Variants in PCDHA9 observed in about 807,000 individuals in gnomAD.
The protein encoded by PCDHA9 is protocadherin alpha 9, also known as protocadherin alpha-9.
In PCDHA9, 62 loss-of-function variants were observed where a neutral mutation model predicts 62.0. The observed-to-expected ratio is 1.00, with a 90% CI of 0.81 to 1.23. PCDHA9 has a LOEUF of 1.23. Ranked by LOEUF, PCDHA9 falls within the 50% of genes most tolerant of loss-of-function variation. PCDHA9 has a pLI of 0.00. For missense variants in PCDHA9, 1,205 were observed against 1,249.8 expected (o/e 0.96, Z 0.54); for synonymous variants, 557 against 567.6 (o/e 0.98, Z 0.27).
intron 1 of PCDHA9, chr5:140,930,241 C>T (rs2086688232): frequency 1.3e-5 from 2 of 152,148 alleles, no homozygotes; most frequent in African/African-American, 2.4e-5. Context: ...ATCCAAAGTC[C>T]ATTCAACTTG....
intron 1 of PCDHA9, among the ~76,000 whole-genome samples, chr5:140,925,025 C>T (rs1180931899): frequency 6.6e-6 from 1 of 151,492 alleles, no homozygotes; most frequent in Non-Finnish European, 1.5e-5. Context: ...ATGGGAGGAT[C>T]GCTTGAGCCC....
chr5:140,874,469 G>C (rs2054929448), intron 1 of PCDHA9, among the ~76,000 whole-genome samples: 1 of 152,212 alleles, frequency 6.6e-6, no homozygotes, highest in Non-Finnish European at 1.5e-5. Flanking sequence ...GGAAGATTTA[G>C]AGAAAAAGCA....
chr5:140,882,036 G>C, intron 1 of PCDHA9: 1 of 646,228 alleles, frequency 1.5e-6, no homozygotes. Context: ...AAAATATGAA[G>C]ACTGAGTCAT....
intron 1 of PCDHA9, chr5:140,863,410 G>C: frequency 5.3e-6 from 4 of 753,286 alleles, no homozygotes; most frequent in African/African-American, 1.8e-5. Context: ...GCCCACGCTG[G>C]TGTACCGCAG....
chr5:140,933,853 A>AT (rs2089460601), intron 1 of PCDHA9, among the ~76,000 whole-genome samples: 2 of 151,568 alleles, frequency 1.3e-5, no homozygotes, highest in Non-Finnish European at 3.0e-5. Context: ...TGTACCTTTA[A>AT]TTTTTTCAGA....
At chr5:140,979,211 A>G (rs1241898337) in intron 2 of PCDHA9, among the ~76,000 whole-genome samples, 18 of 152,222 alleles carry the variant, frequency 1.2e-4, no homozygotes, top group Admixed American at 7.9e-4. Context: ...GTGCTGGCAT[A>G]TAAGAGTCCT....
chr5:140,927,127 G>C (rs1202029150), intron 1 of PCDHA9: 1 of 1,613,964 alleles, frequency 6.2e-7, no homozygotes, highest in Non-Finnish European at 8.5e-7. Context: ...GGTGGTCAGA[G>C]AGCCGGCGGA....
intron 1 of PCDHA9, chr5:140,863,686 T>G (rs1386583317): frequency 3.4e-6 from 1 of 295,212 alleles, no homozygotes; most frequent in Non-Finnish European, 6.6e-6. Flanking sequence ...CTTTTTCTTT[T>G]GAGATGCTTT....
chr5:140,850,287 G>A lies in PCDHA9; in HGVS notation c.1792G>A (p.Asp598Asn). The change falls in exon 1 of 4, where the codon GAC becomes AAC. Residue 598 changes from aspartate (D) to asparagine (N), a missense_variant. By Grantham distance (23) the Asp-to-Asn change is conservative (BLOSUM62 1). This residue lies in a region of PCDHA9 where 887 missense variants were observed against 809.5 expected (regional missense o/e 1.10). Transcript: ENST00000532602. The part of the protein sequence containing the change: ...GVVVGKVRAV[D>N]ADSGYNAWLS... ...AGTGGTGGGGAAGGTGCGCGCAGTG[G>A]ACGCCGACTCGGGCTACAACGCGTG... 2.5e-6 allele frequency: 4 copies of A among 1,595,954 alleles called. 1 individual carries two copies. Among genetic ancestry groups the A allele is most frequent in the Non-Finnish European group, 3.4e-6 (4 of 1,167,630 alleles).
intron 1 of PCDHA9, among the ~76,000 whole-genome samples, chr5:140,881,751 A>G (rs974973794): frequency 6.6e-6 from 1 of 152,206 alleles, no homozygotes; most frequent in Non-Finnish European, 1.5e-5. Flanking sequence ...GGACAGTACC[A>G]CAAAAACCTA....
intron 1 of PCDHA9, chr5:140,856,284 A>C (rs1164216826): frequency 5.6e-6 from 9 of 1,598,362 alleles, no homozygotes; most frequent in Non-Finnish European, 7.7e-6. Context: ...GTAAATCTGC[A>C]GAATGGCATT....
chr5:140,995,674 A>AT (rs1240189428), intron 3 of PCDHA9, among the ~76,000 whole-genome samples: 2 of 152,112 alleles, frequency 1.3e-5, no homozygotes, highest in South Asian at 2.1e-4. Context: ...TAAATGCAGC[A>AT]TTTTTTTTAA....
chr5:140,990,280 G>C (rs1224210562), intron 3 of PCDHA9, among the ~76,000 whole-genome samples: 1 of 152,264 alleles, frequency 6.6e-6, no homozygotes, highest in African/African-American at 2.4e-5. Context: ...CCCGGGTCTT[G>C]AGATTATCGA....
intron 1 of PCDHA9, chr5:140,870,282 C>T (rs886699693): frequency 6.2e-7 from 1 of 1,614,228 alleles, no homozygotes; most frequent in Non-Finnish European, 8.5e-7. Context: ...CCCACGTTCC[C>T]TTCAAGCTGG....
chr5:140,906,957 G>T (rs1301709159), intron 1 of PCDHA9, among the ~76,000 whole-genome samples: 2 of 152,144 alleles, frequency 1.3e-5, no homozygotes, highest in Admixed American at 6.5e-5. Flanking sequence ...CCAGTTTAAT[G>T]GAATCGTGGT....
chr5:140,928,893 T>C (rs1554206469), intron 1 of PCDHA9: 1 of 1,614,052 alleles, frequency 6.2e-7, no homozygotes, highest in African/African-American at 1.3e-5. Flanking sequence ...TTCCAGACTT[T>C]GAAGATGTCT....
chr5:140,869,010 T>C (rs919333995), intron 1 of PCDHA9: 3 of 1,523,768 alleles, frequency 2.0e-6, no homozygotes, highest in African/African-American at 2.8e-5. Flanking sequence ...CCTTTGAAAC[T>C]TCTTAAGAAT....
At chr5:141,006,276 A>T (rs2098265134) in intron 3 of PCDHA9, among the ~76,000 whole-genome samples, 1 of 151,894 alleles carries the variant, frequency 6.6e-6, no homozygotes, top group Admixed American at 6.6e-5. Context: ...CAGTGGCACG[A>T]TCTCAGCTCA....
At position 140,868,819 on chromosome 5, in the gene PCDHA9, G is replaced by A. The variant is rs2050665181; in HGVS notation, c.2394+17930G>A. The A allele has an allele frequency of 7.5e-5, 29 of 388,032 alleles. No individual in the cohort carries two copies. In the East Asian group the frequency reaches 1.2e-3, roughly 16 times the overall value. The allele number at this position is 388,032 out of a possible 1,614,324, so 24.0% of individuals were successfully genotyped here. On this transcript the variant is annotated intron_variant, in intron 1 of 3. Transcript: ENST00000532602. ...ATAAATAAGCACGTTGGAAATATTT[G>A]GGGGAAGAAACCCAAAACACGTGAA...
Sources: gnomAD v4.1 joint callset for allele counts (sites outside exome capture counted in the v4.1 genomes callset) on GRCh38, gnomAD v4.1.1 for gene constraint, gnomAD v4.1.1 regional missense constraint, MANE v1.5 for transcripts, NCBI Gene and HGNC (gene_info 2026-07-23, HGNC 2026-07-21) for gene names.